Variants in COPG2 observed in about 807,000 individuals in gnomAD.
COPG2 encodes coatomer subunit gamma-2.
In COPG2, 37 loss-of-function variants were observed where a neutral mutation model predicts 46.3. That is an observed-to-expected ratio of 0.80 (90% CI 0.61 to 1.05). COPG2 has a LOEUF of 1.05. COPG2 is among the 50% of genes least tolerant of loss of function. COPG2 has a pLI of 0.00. For missense variants in COPG2, 427 were observed against 387.8 expected (o/e 1.10, Z -0.85); for synonymous variants, 159 against 129.7 (o/e 1.23, Z -1.53).
chr7:130,593,992 G>C (rs1373822050), intron 9 of COPG2, among the ~76,000 whole-genome samples: 1 of 152,086 alleles, frequency 6.6e-6, no homozygotes, highest in African/African-American at 2.4e-5. Flanking sequence ...AAAGGGAAGA[G>C]ACAAGCTAGA....
intron 9 of COPG2, among the ~76,000 whole-genome samples, chr7:130,586,938 T>C (rs961895571): frequency 6.6e-6 from 1 of 152,052 alleles, no homozygotes; most frequent in Non-Finnish European, 1.5e-5. Flanking sequence ...AACTCTTGCA[T>C]TTTAAAAGCA....
At chr7:130,660,546 A>G (rs1021182927) in intron 4 of COPG2, among the ~76,000 whole-genome samples, 1 of 152,046 alleles carries the variant, frequency 6.6e-6, no homozygotes, top group African/African-American at 2.4e-5. Flanking sequence ...ACCTGCTACC[A>G]TTGCTGGTTG....
At chr7:130,598,243 G>A (rs1426361273) in intron 9 of COPG2, among the ~76,000 whole-genome samples, 2 of 152,078 alleles carry the variant, frequency 1.3e-5, no homozygotes, top group African/African-American at 4.8e-5. Flanking sequence ...CAGTACACCT[G>A]CACAGTACTG....
At chr7:130,583,493 TAAAAA>T (rs782593413) in intron 9 of COPG2, among the ~76,000 whole-genome samples, 1 of 34,368 alleles carries the variant, frequency 2.9e-5, no homozygotes, top group Non-Finnish European at 4.9e-5. Context: ...ACATAAAGTA[TAAAAA>T]AAAAAAAAAA....
chr7:130,518,400 G>A, intron 20 of COPG2, among the ~76,000 whole-genome samples: 2 of 152,306 alleles, frequency 1.3e-5, no homozygotes, highest in South Asian at 4.1e-4. Context: ...GATAGCACCT[G>A]AAAGACTGGT....
intron 20 of COPG2, among the ~76,000 whole-genome samples, chr7:130,533,027 G>A (rs1199383632): frequency 6.6e-6 from 1 of 152,092 alleles, no homozygotes; most frequent in Admixed American, 6.5e-5. Context: ...AGCTTGGAGA[G>A]CAGAGGGTGA....
chr7:130,507,727 T>C lies in COPG2; in HGVS notation c.2344A>G (p.Lys782Glu). 1 of 780,578 alleles carries C rather than the reference T, an allele frequency of 1.3e-6. No homozygotes were observed. The highest frequency in any genetic ancestry group is 2.4e-6 in the Non-Finnish European group (1 of 417,888). The allele number at this position is 780,578 out of a possible 1,614,324, so 48.4% of individuals were successfully genotyped here. ...AWEEVGDTFE[K>E]EETFALSSTK... is the part of the protein sequence containing the mutation. The stretch of plus-strand genomic sequence containing the variant: ...GAACTGAGGGCAAAGGTTTCCTCTT[T>C]CTCAAAGGTATCTCCCACCTCTTCC... Residue 782 changes from lysine (K) to glutamate (E), a missense_variant, in exon 22 of 24, where the codon AAA becomes GAA. Lys to Glu is a moderately conservative substitution (Grantham distance 56). Transcript: ENST00000425248.
chr7:130,657,394 A>G (rs1696404059), intron 4 of COPG2, among the ~76,000 whole-genome samples: 2 of 152,182 alleles, frequency 1.3e-5, no homozygotes, highest in Admixed American at 6.5e-5. Context: ...TCAATATGAA[A>G]TGGATCATAA....
intron 17 of COPG2, among the ~76,000 whole-genome samples, 154 bp downstream of exon 17, chr7:130,550,370 C>T (rs1793517991): frequency 7.7e-6 from 1 of 129,320 alleles, no homozygotes; most frequent in South Asian, 2.4e-4. Flanking sequence ...GAGATCGCGC[C>T]ACTGTGCTCC....
chr7:130,621,151 T>G (rs1584585441), intron 5 of COPG2, among the ~76,000 whole-genome samples: 4 of 152,168 alleles, frequency 2.6e-5, no homozygotes, highest in Non-Finnish European at 4.4e-5. Context: ...ATTCGAGGAA[T>G]GCAAGTAGCC....
Position 130,559,079 on chromosome 7 carries a change from G to A in COPG2, c.1128+1954C>T, listed in dbSNP as rs1009667957. On this transcript the variant is annotated intron_variant, in intron 12 of 23. Transcript: ENST00000425248. ...ACTACCTAAAAAAAATAACACTTTT[G>A]CATGTCCAAAGACATCATAAGAAAA... is the stretch of plus-strand genomic sequence containing the variant. 4.7e-3 allele frequency among the ~76,000 whole-genome samples: 722 copies of A among 152,178 alleles called. 4 individuals carry two copies. The highest frequency in any genetic ancestry group is 0.017 in the African/African-American group (687 of 41,520).
intron 20 of COPG2, among the ~76,000 whole-genome samples, chr7:130,512,449 A>C (rs1554441155): frequency 6.6e-6 from 1 of 151,758 alleles, no homozygotes; most frequent in Non-Finnish European, 1.5e-5. Context: ...ATGGGTGATT[A>C]TGAAGAGTGA....
chr7:130,556,726 G>A (rs1268241209), intron 12 of COPG2, among the ~76,000 whole-genome samples: 4 of 151,990 alleles, frequency 2.6e-5, no homozygotes, highest in Non-Finnish European at 5.9e-5. Flanking sequence ...TGTAAAGATG[G>A]TTCAGCATTA....
At chr7:130,558,923 G>T (rs1044294337) in intron 12 of COPG2, among the ~76,000 whole-genome samples, 8 of 152,200 alleles carry the variant, frequency 5.3e-5, no homozygotes, top group Non-Finnish European at 1.0e-4. Context: ...ATGGACCAGA[G>T]ATCTAAATGT....
At chr7:130,540,186 A>T (rs1464606125) in intron 20 of COPG2, among the ~76,000 whole-genome samples, 2 of 151,946 alleles carry the variant, frequency 1.3e-5, no homozygotes, top group Non-Finnish European at 2.9e-5. Flanking sequence ...GGTTGGAGGA[A>T]ACTTTCTTAT....
chr7:130,582,860 G>A (rs1794180419), intron 9 of COPG2, among the ~76,000 whole-genome samples: 1 of 151,904 alleles, frequency 6.6e-6, no homozygotes, highest in African/African-American at 2.4e-5. Context: ...AGGTGCTGGA[G>A]AGGATGTGGA....
chr7:130,571,843 CTCTA>C (rs1305877589), intron 9 of COPG2, among the ~76,000 whole-genome samples: 13 of 150,896 alleles, frequency 8.6e-5, no homozygotes, highest in African/African-American at 3.2e-4. Context: ...CCCTCTCTCT[CTCTA>C]TATATATATA....
In COPG2 at chr7:130,579,967, A is replaced by C. The variant is rs1382338856; in HGVS notation, c.738-15574T>G. ...AGAAAGTCAACAAGGATACCCAGGAATTGAACTCAGCTCTGCACCAAGTGG... is the reference window on the plus strand; with the variant it reads ...AGAAAGTCAACAAGGATACCCAGGACTTGAACTCAGCTCTGCACCAAGTGG... On this transcript the variant is annotated intron_variant, in intron 9 of 23. Transcript: ENST00000425248. Among the ~76,000 whole-genome samples the C allele has an allele frequency of 3.3e-5, 5 of 151,516 alleles. No homozygotes were observed. The East Asian group carries it at 9.7e-4, about 30-fold the overall frequency.
chr7:130,630,436 C>T (rs1795207447), intron 5 of COPG2, among the ~76,000 whole-genome samples: 1 of 152,152 alleles, frequency 6.6e-6, no homozygotes, highest in Non-Finnish European at 1.5e-5. Flanking sequence ...CTTATTACTT[C>T]CTGTAGCTTT....
Sources: allele counts gnomAD v4.1 joint callset (sites outside exome capture counted in the v4.1 genomes callset), GRCh38; gene constraint gnomAD v4.1.1; transcripts MANE v1.5; gene names NCBI Gene and HGNC (gene_info 2026-07-23, HGNC 2026-07-21).